TAF4B: variants seen among roughly 807,000 people sequenced by gnomAD.
TAF4B encodes the protein TATA-box binding protein associated factor 4b, also known as transcription initiation factor TFIID subunit 4B.
A neutral mutation model predicts 86.4 loss-of-function variants in TAF4B; 38 were observed. The observed-to-expected ratio is 0.44, with a 90% CI of 0.34 to 0.58. TAF4B has a LOEUF of 0.58. Ranked by LOEUF, TAF4B falls within the 20% of genes least tolerant of loss-of-function variation. The probability of loss-of-function intolerance (pLI) is 0.02; values close to 1 mark genes in which losing one functional copy is unlikely to be tolerated. For missense variants in TAF4B, 988 were observed against 1,027.6 expected, an observed-to-expected ratio of 0.96 and a Z score of 0.53; for synonymous variants, 388 against 391.2, an observed-to-expected ratio of 0.99 and a Z score of 0.10.
intron 10 of TAF4B, among the ~76,000 whole-genome samples, chr18:26,319,623 C>G (rs71368654): frequency 6.6e-6 from 1 of 151,582 alleles, no homozygotes; most frequent in Non-Finnish European, 1.5e-5. Flanking sequence ...CAGTTTTGCT[C>G]ATGTTACCCA....
rs1013878996 is a variant in TAF4B, at chr18:26,391,000, A to G, written c.*988A>G. ...TTTTTATAGTTCCTTCTGTCATAAT[A>G]TATTTTAGTTATCCTAATTTTTAAG... is the stretch of plus-strand genomic sequence containing the variant. On this transcript the variant is annotated 3_prime_UTR_variant, in exon 15 of 15. Transcript: ENST00000269142. The G allele has an allele frequency of 2.0e-5, 3 of 152,186 alleles. No homozygotes were observed. Among genetic ancestry groups the G allele is most frequent in the Admixed American group, 1.3e-4 (2 of 15,288 alleles). 9.4% of individuals were successfully genotyped at this position (152,186 alleles called of 1,614,324 possible). A position where few individuals can be genotyped will look rare whatever the true frequency, so the allele number is the denominator to read the frequency against.
At chr18:26,388,677 T>A (rs1978522624) in intron 14 of TAF4B, among the ~76,000 whole-genome samples, 1 of 152,238 alleles carries the variant, frequency 6.6e-6, no homozygotes, top group African/African-American at 2.4e-5. Context: ...GCCATGTGGC[T>A]GCAGTTAAGA....
intron 5 of TAF4B, among the ~76,000 whole-genome samples, chr18:26,275,981 A>G (rs1275605039): frequency 6.7e-6 from 1 of 148,996 alleles, no homozygotes; most frequent in African/African-American, 2.5e-5. Context: ...GCACCACTGT[A>G]CTCTAGCCCG....
chr18:26,242,588 A>C (rs1008719867), intron 1 of TAF4B, among the ~76,000 whole-genome samples: 3 of 152,176 alleles, frequency 2.0e-5, no homozygotes, highest in African/African-American at 7.2e-5. Flanking sequence ...ATTTACATTT[A>C]AGGTTAATAT....
Position 26,286,507 on chromosome 18 carries a change from A to C in TAF4B, c.1590+8A>C. On this transcript the variant is annotated splice_region_variant and intron_variant, in intron 7 of 14. Transcript: ENST00000269142. The stretch of plus-strand genomic sequence containing the variant: ...GTTCAAGTCAAGCAACTAGTGAGTA[A>C]CATTTTGTTTCTTCCCCAGTTACTT... 6.3e-7 allele frequency: 1 copy of C among 1,580,566 alleles called. No homozygotes were observed.
chr18:26,347,703 A>G (rs947161757), intron 13 of TAF4B, among the ~76,000 whole-genome samples: 1 of 152,216 alleles, frequency 6.6e-6, no homozygotes, highest in African/African-American at 2.4e-5. Flanking sequence ...CTGTAAAGAC[A>G]CACATAGACT....
intron 1 of TAF4B, among the ~76,000 whole-genome samples, chr18:26,257,803 T>C (rs1458049266): frequency 6.6e-6 from 1 of 151,768 alleles, no homozygotes; most frequent in African/African-American, 2.4e-5. Context: ...AGAGAAGCCC[T>C]TTCTTTCATA....
chr18:26,304,458 T>C (rs993938928), intron 9 of TAF4B, among the ~76,000 whole-genome samples: 2 of 152,170 alleles, frequency 1.3e-5, no homozygotes, highest in Non-Finnish European at 2.9e-5. Flanking sequence ...AATAGGACTT[T>C]TAGAAGTAAA....
chr18:26,289,138 A>G (rs150300873), intron 7 of TAF4B, among the ~76,000 whole-genome samples: 2 of 149,956 alleles, frequency 1.3e-5, no homozygotes, highest in African/African-American at 4.9e-5. Flanking sequence ...GAACTAGGGC[A>G]TTCTTTCAAA....
chr18:26,312,725 C>T (rs145571970), intron 9 of TAF4B, among the ~76,000 whole-genome samples: 85 of 152,180 alleles, frequency 5.6e-4, no homozygotes, highest in African/African-American at 1.9e-3. Flanking sequence ...GTGTACCTGG[C>T]GCACATCTTA....
intron 6 of TAF4B, among the ~76,000 whole-genome samples, chr18:26,284,817 C>T (rs1036755682): frequency 2.2e-4 from 33 of 151,970 alleles, no homozygotes; most frequent in Non-Finnish European, 2.2e-4. Context: ...TGCAGAGAGC[C>T]GAGATCACGC....
At chr18:26,331,291 T>C (rs2057048555) in intron 12 of TAF4B, among the ~76,000 whole-genome samples, 1 of 152,218 alleles carries the variant, frequency 6.6e-6, no homozygotes, top group African/African-American at 2.4e-5. Flanking sequence ...TAGTTATTAT[T>C]GAATATCATA....
Position 26,240,858 on chromosome 18 carries a change from T to G in TAF4B, c.343+13582T>G, listed in dbSNP as rs546725482. Reference sequence around the variant, plus strand: ...TTGAGATAATCATGTGGTTTTTGTCTTTGGTTCTGTTTATATACTGGATTA... The same window carrying G: ...TTGAGATAATCATGTGGTTTTTGTCGTTGGTTCTGTTTATATACTGGATTA... On this transcript the variant is annotated intron_variant, in intron 1 of 14. Transcript: ENST00000269142. Among the ~76,000 whole-genome samples, 814 of 152,292 alleles carry G rather than the reference T, an allele frequency of 5.3e-3. 4 individuals carry two copies. The highest frequency in any genetic ancestry group is 8.9e-3 in the Non-Finnish European group (604 of 68,016).
In TAF4B at chr18:26,321,091, A is replaced by T. The variant is rs762654633; in HGVS notation, c.2024A>T (p.Glu675Val). ...LDIGKKHDIT[E>V]LNSDAVNLIS... Reference sequence around the variant, plus strand: ...GCAGGTAAAAAGCATGACATTACAGAACTTAACTCTGATGCTGTGAACTTG... The same window carrying T: ...GCAGGTAAAAAGCATGACATTACAGTACTTAACTCTGATGCTGTGAACTTG... Residue 675 changes from glutamate (E) to valine (V), a missense_variant, in exon 11 of 15, where the codon GAA (glutamate) becomes GTA (valine). Glu to Val is a moderately radical substitution (Grantham distance 121). Around this residue, in one of 3 missense-constraint regions of TAF4B, gnomAD observed 216 missense variants for 238.4 expected, o/e 0.91. Transcript: ENST00000269142. The T allele has an allele frequency of 6.2e-7, 1 of 1,613,864 alleles. No homozygotes were observed. The highest frequency in any genetic ancestry group is 1.1e-5 in the South Asian group (1 of 91,066).
At chr18:26,255,781 G>A (rs1411764026) in intron 1 of TAF4B, 1 of 1,527,942 alleles carries the variant, frequency 6.5e-7, no homozygotes, top group Non-Finnish European at 9.1e-7. Context: ...CTGCAGCAAG[G>A]CTTGAAGAGA....
intron 10 of TAF4B, among the ~76,000 whole-genome samples, chr18:26,320,081 T>C (rs1168002939): frequency 6.6e-6 from 1 of 152,224 alleles, no homozygotes; most frequent in Non-Finnish European, 1.5e-5. Context: ...ATTTGAGTTA[T>C]TGACTTTTAA....
intron 7 of TAF4B, among the ~76,000 whole-genome samples, chr18:26,287,748 A>G (rs1200019594): frequency 1.3e-5 from 2 of 152,182 alleles, no homozygotes; most frequent in African/African-American, 4.8e-5. Flanking sequence ...TAGCCTTTCC[A>G]GCCCTGTTTG....
At chr18:26,383,286 C>T (rs1978301334) in intron 14 of TAF4B, among the ~76,000 whole-genome samples, 1 of 152,110 alleles carries the variant, frequency 6.6e-6, no homozygotes, top group Non-Finnish European at 1.5e-5. Context: ...GCAATATTAA[C>T]ACTGGAAATA....
chr18:26,296,282 T>G, intron 9 of TAF4B, among the ~76,000 whole-genome samples: 1 of 152,220 alleles, frequency 6.6e-6, no homozygotes, highest in East Asian at 1.9e-4. Context: ...TTTTGCCTTT[T>G]ATTCCTTCCA....
Sources: allele counts gnomAD v4.1 joint callset (sites outside exome capture counted in the v4.1 genomes callset), GRCh38; gene constraint gnomAD v4.1.1; regional missense constraint gnomAD v4.1.1; transcripts MANE v1.5; gene names NCBI Gene and HGNC (gene_info 2026-07-23, HGNC 2026-07-21).